Variants in LRRC45 observed in about 807,000 individuals in gnomAD.
LRRC45 encodes leucine-rich repeat-containing protein 45.
LRRC45 carries 73 observed loss-of-function variants against 85.4 expected under a neutral mutation model. The ratio of observed to expected loss-of-function variants is 0.85; its 90% CI spans 0.71 to 1.04. The LOEUF (loss-of-function observed/expected upper bound fraction) is 1.04. LRRC45 is among the 50% of genes least tolerant of loss of function. The probability of loss-of-function intolerance (pLI) is 0.00; values close to 1 mark genes in which losing one functional copy is unlikely to be tolerated. For missense variants in LRRC45, 937 were observed against 883.3 expected, an observed-to-expected ratio of 1.06 and a Z score of -0.77; for synonymous variants, 429 against 386.0, an observed-to-expected ratio of 1.11 and a Z score of -1.31.
intron 16 of LRRC45, 25 bp from the exon 17 acceptor site, chr17:82,030,584 G>T (rs199903911): frequency 0.01 from 15,232 of 1,458,812 alleles, 113 homozygotes; most frequent in Non-Finnish European, 0.012. Flanking sequence ...GGCTGCGTCC[G>T]CTCACTGCGC....
chr17:82,028,584 C>T (rs1043919507), intron 11 of LRRC45, 29 bp from the exon 12 acceptor site: 8 of 1,612,424 alleles, frequency 5.0e-6, no homozygotes, highest in Admixed American at 1.7e-5. Context: ...GGGATGCTCA[C>T]GCATACTCTG....
At chr17:82,027,625 A>G in intron 7 of LRRC45, 49 bp from the exon 8 acceptor site, 1 of 1,583,248 alleles carries the variant, frequency 6.3e-7, no homozygotes, top group African/African-American at 1.3e-5. Context: ...GGGGTATGGG[A>G]GCGCTCTGGG....
chr17:82,029,426 C>A, intron 13 of LRRC45, 117 bp from the exon 14 acceptor site: 5 of 1,192,166 alleles, frequency 4.2e-6, no homozygotes, highest in Non-Finnish European at 6.0e-6. Context: ...AGCTGCGTGG[C>A]CCTCAGGAGG....
rs1022930319 is a variant in LRRC45 at position 82,030,842 on chromosome 17, T to A, written c.*37T>A. The stretch of plus-strand genomic sequence containing the variant: ...AGGACCCGGGCGCAGTAGGAGTGCA[T>A]CAGGCGGCGCCCGAGATGGACCAGG... On this transcript the variant is annotated 3_prime_UTR_variant, in exon 17 of 17. Coordinates refer to ENST00000306688, the MANE Select transcript of LRRC45 (RefSeq NM_144999.4). 1 of 1,301,190 alleles carries A rather than the reference T, an allele frequency of 7.7e-7. No homozygotes were observed. 80.6% of individuals were successfully genotyped at this position (1,301,190 alleles called of 1,614,324 possible). A position where few individuals can be genotyped will look rare whatever the true frequency, so the allele number is the denominator to read the frequency against.
In LRRC45 at chr17:82,030,859, T is replaced by G; in HGVS notation, c.*54T>G. ...GGAGTGCATCAGGCGGCGCCCGAGA[T>G]GGACCAGGGGCTGCGTCCCGCCCGC... On this transcript the variant is annotated 3_prime_UTR_variant, in exon 17 of 17. Transcript: ENST00000306688. 1 of 1,248,474 alleles carries G rather than the reference T, an allele frequency of 8.0e-7. No homozygotes were observed. The highest frequency in any genetic ancestry group is 1.0e-6 in the Non-Finnish European group (1 of 969,448). 77.3% of individuals were successfully genotyped at this position (1,248,474 alleles called of 1,614,324 possible). A position where few individuals can be genotyped will look rare whatever the true frequency, so the allele number is the denominator to read the frequency against.
At chr17:82,025,208 C>T in intron 4 of LRRC45, 30 bp downstream of exon 4, 1 of 1,563,914 alleles carries the variant, frequency 6.4e-7, no homozygotes, top group Non-Finnish European at 8.7e-7. Context: ...CTCAGGCTCC[C>T]TCATCCCTCT....
chr17:82,028,147 G>T lies in LRRC45; in HGVS notation c.1047+1G>T. 1 of 1,565,252 alleles carries T rather than the reference G, an allele frequency of 6.4e-7. No homozygotes were observed. Among genetic ancestry groups the T allele is most frequent in the East Asian group, 2.4e-5 (1 of 42,490 alleles). ...CAAGGAGCTCAAGCTGGAGCAGCAGGTGGGTGGGCAGGGCTTGAGAGGGGT... is the reference window on the plus strand; with the variant it reads ...CAAGGAGCTCAAGCTGGAGCAGCAGTTGGGTGGGCAGGGCTTGAGAGGGGT... On this transcript the variant is annotated splice_donor_variant, in intron 9 of 16. Coordinates refer to ENST00000306688, the MANE Select transcript of LRRC45 (RefSeq NM_144999.4). LOFTEE classifies it high-confidence loss of function.
intron 6 of LRRC45, 26 bp from the exon 7 acceptor site, chr17:82,027,360 A>T (rs1482668047): frequency 6.2e-7 from 1 of 1,612,126 alleles, no homozygotes; most frequent in East Asian, 2.2e-5. Context: ...GTGCCCTGAC[A>T]GGGCTGCGGC....
At position 82,023,549 on chromosome 17, in the gene LRRC45, C is replaced by G. The variant is rs2043333445; in HGVS notation, c.-95C>G. 1 of 1,181,982 alleles carries G rather than the reference C, an allele frequency of 8.5e-7. No homozygotes were observed. The highest frequency in any genetic ancestry group is 1.6e-5 in the African/African-American group (1 of 63,004). The allele number at this position is 1,181,982 out of a possible 1,614,324, so 73.2% of individuals were successfully genotyped here. On this transcript the variant is annotated 5_prime_UTR_variant, in exon 1 of 17. Coordinates refer to ENST00000306688, the MANE Select transcript of LRRC45 (RefSeq NM_144999.4). The stretch of plus-strand genomic sequence containing the variant: ...CCGCCCGGGTCGGCGGAGGCCCCGT[C>G]TCCTGTACCCGGCGCTGGGACTGCT...
At position 82,024,339 on chromosome 17, in the gene LRRC45, GGT is replaced by G; in HGVS notation, c.282+2_282+3del. ...CCGTGCTGCGCTTTCTGGACTTAAA[GGT>G]GAGATACCTGCACTCTTGAGTGTCC... On this transcript the variant is annotated splice_donor_variant, in intron 2 of 16. Coordinates refer to ENST00000306688, the MANE Select transcript of LRRC45 (RefSeq NM_144999.4). LOFTEE classifies it high-confidence loss of function. 6.2e-7 allele frequency: 1 copy of G among 1,612,354 alleles called. No homozygotes were observed.
At position 82,028,267 on chromosome 17, in the gene LRRC45, G is replaced by T; in HGVS notation, c.1081G>T (p.Asp361Tyr). Residue 361 changes from aspartate to tyrosine, a missense_variant, in exon 10 of 17, where the codon GAC becomes TAC. By Grantham distance (160) the Asp-to-Tyr change is radical. Transcript: ENST00000306688. ...AGAGCGGGAGTCTAAACTCCTCAGA[G>T]ACTTGTCTGCTGCCAATGAAAAGAA... ...AAERESKLLR[D>Y]LSAANEKNLL... 1 of 1,581,190 alleles carries T rather than the reference G, an allele frequency of 6.3e-7. No homozygotes were observed. The highest frequency in any genetic ancestry group is 8.6e-7 in the Non-Finnish European group (1 of 1,163,630).
In LRRC45 at chr17:82,030,776, C is replaced by T. The variant is rs112357165; in HGVS notation, c.1984C>T (p.Pro662Ser). ...NAVLAYVQAS[P>S]VRTLSPPK is the part of the protein sequence containing the mutation. ...CGTCCTGGCTTACGTGCAGGCGTCC[C>T]CCGTGAGGACCCTGAGCCCCCCAAA... Residue 662 changes from proline (P) to serine (S), a missense_variant, in exon 17 of 17, where the codon CCC (proline) becomes TCC (serine). Transcript: ENST00000306688. 5 of 1,420,544 alleles carry T rather than the reference C, an allele frequency of 3.5e-6. No individual in the cohort carries two copies. Among genetic ancestry groups the T allele is most frequent in the Admixed American group, 2.4e-5 (1 of 42,218 alleles). 88.0% of individuals were successfully genotyped at this position (1,420,544 alleles called of 1,614,324 possible).
rs1393030881 is a variant in LRRC45, at chr17:82,024,754, C to T, written c.344C>T (p.Ser115Phe). 1 of 1,580,078 alleles carries T rather than the reference C, an allele frequency of 6.3e-7. No individual in the cohort carries two copies. Among genetic ancestry groups the T allele is most frequent in the Admixed American group, 1.9e-5 (1 of 51,292 alleles). Residue 115 changes from serine to phenylalanine, a missense_variant, in exon 3 of 17, where the codon TCC (serine) becomes TTC (phenylalanine). Physicochemically the swap from Ser to Phe is radical, Grantham distance 155. Coordinates refer to ENST00000306688, the MANE Select transcript of LRRC45 (RefSeq NM_144999.4). ...GGAAAACTCCTCCAACAGAACAAGT[C>T]CATTCAGAGGTGGGTGGTGGTCCCG... The part of the protein sequence containing the change: ...ALGKLLQQNK[S>F]IQSLTLEWNS...
chr17:82,026,048 C>T (rs370622733), intron 5 of LRRC45, among the ~76,000 whole-genome samples: 2 of 152,224 alleles, frequency 1.3e-5, no homozygotes, highest in Non-Finnish European at 2.9e-5. Context: ...CTCCCTAATC[C>T]GCGCACAGCG....
rs751249175 is a variant in LRRC45 at position 82,029,120 on chromosome 17, G to C, written c.1336G>C (p.Glu446Gln). The change falls in exon 13 of 17, where the codon GAG (glutamate) becomes CAG (glutamine). Residue 446 changes from glutamate (E) to glutamine (Q), a missense_variant. Coordinates refer to ENST00000306688, the MANE Select transcript of LRRC45 (RefSeq NM_144999.4). ...EVEHMTRHLE[E>Q]SEKAMQERVQ... ...GGAGCATATGACCCGTCACCTGGAGGAGAGTGAGAAGGCCATGCAGGAGCG... is the reference window on the plus strand; with the variant it reads ...GGAGCATATGACCCGTCACCTGGAGCAGAGTGAGAAGGCCATGCAGGAGCG... 1 of 1,612,726 alleles carries C rather than the reference G, an allele frequency of 6.2e-7. No individual in the cohort carries two copies. Among genetic ancestry groups the C allele is most frequent in the Non-Finnish European group, 8.5e-7 (1 of 1,179,934 alleles).
In LRRC45 at chr17:82,028,673, G is replaced by A. The variant is rs752074969; in HGVS notation, c.1298G>A (p.Arg433His). 27 of 1,612,314 alleles carry A rather than the reference G, an allele frequency of 1.7e-5. No homozygotes were observed. The highest frequency in any genetic ancestry group is 6.7e-5 in the East Asian group (3 of 44,864). ...AGCCTGGAGGACTCCGAAAGCCTGCGCATCAAGGAGGTGCCCTCTTCGTTG... is the reference window on the plus strand; with the variant it reads ...AGCCTGGAGGACTCCGAAAGCCTGCACATCAAGGAGGTGCCCTCTTCGTTG... Reference protein sequence around the residue: ...RQSLEDSESLRIKEVEHMTRH... With the variant: ...RQSLEDSESLHIKEVEHMTRH... The change falls in exon 12 of 17, where the codon CGC (arginine) becomes CAC (histidine). Residue 433 changes from arginine to histidine, a missense_variant. By Grantham distance (29) the Arg-to-His change is conservative. Coordinates refer to ENST00000306688, the MANE Select transcript of LRRC45 (RefSeq NM_144999.4).
chr17:82,025,494 C>G lies in LRRC45; in HGVS notation c.648C>G (p.Val216=), dbSNP rs2043360858. 4.4e-6 allele frequency: 7 copies of G among 1,605,680 alleles called. No individual in the cohort carries two copies. The Admixed American group carries it at 1.2e-4, about 27-fold the overall frequency. Residue 216 remains valine (V), a synonymous_variant, in exon 5 of 17, where the codon GTC becomes GTG. Transcript: ENST00000306688. ...CTGGGAACAACATCCCTGGAGACGT[C>G]CTCAGAGCCGTGGGTACGGTGCAGG... ...DLAGNNIPGD[V]LRAVEQAMGH...
At chr17:82,026,570 G>C (rs1477011336) in intron 5 of LRRC45, among the ~76,000 whole-genome samples, 4 of 148,206 alleles carry the variant, frequency 2.7e-5, no homozygotes, top group African/African-American at 1.0e-4. Context: ...TCCTTTGTGT[G>C]TGTGTGTGTG....
chr17:82,024,664 G>A lies in LRRC45; in HGVS notation c.283-29G>A, dbSNP rs556883811. On this transcript the variant is annotated intron_variant, in intron 2 of 16. Transcript: ENST00000306688. ...GAATTCAGAGCCAGTCAGGGCACGC[G>A]AGTGACTACCGGCCTGTTTCTCTCC... 53 of 1,562,916 alleles carry A rather than the reference G, an allele frequency of 3.4e-5. No individual in the cohort carries two copies. The South Asian group carries it at 3.5e-4, about 10-fold the overall frequency.
Sources: gnomAD v4.1 joint callset for allele counts (sites outside exome capture counted in the v4.1 genomes callset) on GRCh38, gnomAD v4.1.1 for gene constraint, MANE v1.5 for transcripts, NCBI Gene and HGNC (gene_info 2026-07-23, HGNC 2026-07-21) for gene names.